DNAJC27: variants seen among roughly 807,000 people sequenced by gnomAD.
DNAJC27 encodes DnaJ heat shock protein family (Hsp40) member C27.
DNAJC27 carries 25 observed loss-of-function variants against 31.4 expected under a neutral mutation model. The ratio of observed to expected loss-of-function variants is 0.80; its 90% CI spans 0.58 to 1.11. The LOEUF (loss-of-function observed/expected upper bound fraction) is 1.11, where lower values mean the gene tolerates loss of function less well. DNAJC27 is among the 50% of genes most tolerant of loss of function. The pLI, the probability that DNAJC27 is intolerant of heterozygous loss-of-function variation, is 0.00. For missense variants in DNAJC27, 356 were observed against 347.3 expected, an observed-to-expected ratio of 1.02 and a Z score of -0.20; for synonymous variants, 106 against 112.7, an observed-to-expected ratio of 0.94 and a Z score of 0.37.
intron 5 of DNAJC27, among the ~76,000 whole-genome samples, chr2:24,955,930 C>T (rs1357216069): frequency 6.6e-6 from 1 of 152,222 alleles, no homozygotes; most frequent in East Asian, 1.9e-4. Flanking sequence ...GTGTAAAATT[C>T]TCCAGAATGG....
Position 24,945,326 on chromosome 2 carries a change from T to G in DNAJC27, c.*2290A>C, listed in dbSNP as rs1665620656. ...GAAACTGAGTCTCAAGACCTAAGAA[T>G]CAAGCTCAGGCTAAATTTCACCAAC... On this transcript the variant is annotated 3_prime_UTR_variant, in exon 7 of 7. Transcript: ENST00000264711. The G allele has an allele frequency of 6.6e-6, 1 of 152,180 alleles. No individual in the cohort carries two copies. Among genetic ancestry groups the G allele is most frequent in the African/African-American group, 2.4e-5 (1 of 41,428 alleles). 9.4% of individuals were successfully genotyped at this position (152,180 alleles called of 1,614,324 possible). A position where few individuals can be genotyped will look rare whatever the true frequency, so the allele number is the denominator to read the frequency against.
chr2:24,965,498 T>C (rs1251667693), intron 2 of DNAJC27, among the ~76,000 whole-genome samples: 2 of 152,082 alleles, frequency 1.3e-5, no homozygotes, highest in African/African-American at 4.8e-5. Context: ...TCAGGTGATC[T>C]GCCTGCCTTG....
At chr2:24,967,516 C>G (rs1394822026) in intron 1 of DNAJC27, among the ~76,000 whole-genome samples, 1 of 152,122 alleles carries the variant, frequency 6.6e-6, no homozygotes, top group African/African-American at 2.4e-5. Context: ...GCCTGGCCAA[C>G]ATGGCGAAAC....
intron 4 of DNAJC27, 27 bp from the exon 5 acceptor site, chr2:24,957,192 GAGA>G (rs780461499): frequency 4.5e-6 from 7 of 1,566,304 alleles, no homozygotes; most frequent in South Asian, 2.4e-5. Context: ...GGGGGACAGA[GAGA>G]AGATTACAAT....
chr2:24,965,900 T>A (rs977214795), intron 2 of DNAJC27, among the ~76,000 whole-genome samples: 4 of 152,180 alleles, frequency 2.6e-5, no homozygotes, highest in African/African-American at 4.8e-5. Context: ...TAAATATTTA[T>A]TGAGTACCTA....
rs184365801 is a variant in DNAJC27, at chr2:24,967,165, C to A, written c.170+46G>T. ...CAAATATGGATCATTTTGGAAAGTT[C>A]TGAACTTCTATGTAACTTACAAACC... On this transcript the variant is annotated intron_variant, in intron 2 of 6. Coordinates refer to ENST00000264711, the MANE Select transcript of DNAJC27 (RefSeq NM_016544.3). 1,111 of 1,479,148 alleles carry A rather than the reference C, an allele frequency of 7.5e-4. 2 individuals carry two copies. In the Middle Eastern group the frequency reaches 8.3e-3, roughly 11 times the overall value. The allele number at this position is 1,479,148 out of a possible 1,614,324, so 91.6% of individuals were successfully genotyped here. A position where few individuals can be genotyped will look rare whatever the true frequency, so the allele number is the denominator to read the frequency against.
chr2:24,946,158 T>A lies in DNAJC27; in HGVS notation c.*1458A>T, dbSNP rs1382513030. 1.3e-5 allele frequency: 2 copies of A among 152,204 alleles called. No individual in the cohort carries two copies. The highest frequency in any genetic ancestry group is 2.4e-5 in the African/African-American group (1 of 41,444). 9.4% of individuals were successfully genotyped at this position (152,204 alleles called of 1,614,324 possible). A position where few individuals can be genotyped will look rare whatever the true frequency, so the allele number is the denominator to read the frequency against. ...AGTCCTAATACATGAACTTCATCCA[T>A]CCCTTGTATATCAAGGAGGAGACTG... On this transcript the variant is annotated 3_prime_UTR_variant, in exon 7 of 7. Transcript: ENST00000264711.
At chr2:24,971,996 T>C, upstream of DNAJC27, 1 of 923,256 alleles carries the variant, frequency 1.1e-6, no homozygotes, top group South Asian at 2.0e-5. Flanking sequence ...GCGGAGCCGC[T>C]GCTCTCGTCA....
At chr2:24,961,549 G>A (rs760972773) in intron 3 of DNAJC27, among the ~76,000 whole-genome samples, 5 of 151,846 alleles carry the variant, frequency 3.3e-5, no homozygotes, top group African/African-American at 4.8e-5. Flanking sequence ...GAAAGCATTC[G>A]CCATTCTAGA....
In DNAJC27 at chr2:24,944,965, A is replaced by G. The variant is rs943369385; in HGVS notation, c.*2651T>C. 6.6e-6 allele frequency: 1 copy of G among 152,586 alleles called. No homozygotes were observed. The highest frequency in any genetic ancestry group is 2.4e-5 in the African/African-American group (1 of 41,456). The allele number at this position is 152,586 out of a possible 1,614,324, so 9.5% of individuals were successfully genotyped here. A position where few individuals can be genotyped will look rare whatever the true frequency, so the allele number is the denominator to read the frequency against. On this transcript the variant is annotated 3_prime_UTR_variant, in exon 7 of 7. Coordinates refer to ENST00000264711, the MANE Select transcript of DNAJC27 (RefSeq NM_016544.3). The stretch of plus-strand genomic sequence containing the variant: ...TTGAAAAACAAGATTCTCTATAAAA[A>G]CGTTTTAGCCATTGTAATTATTCTG...
chr2:24,963,046 A>G (rs962511683), intron 3 of DNAJC27: 4 of 209,714 alleles, frequency 1.9e-5, no homozygotes, highest in Non-Finnish European at 3.9e-5. Flanking sequence ...TCACCCCAGT[A>G]CCCTGCTGTG....
chr2:24,950,524 C>T (rs1366909136), intron 6 of DNAJC27, among the ~76,000 whole-genome samples: 1 of 152,148 alleles, frequency 6.6e-6, no homozygotes, highest in Non-Finnish European at 1.5e-5. Context: ...TCTTAAATAA[C>T]TCTTTTGACT....
At chr2:24,963,919 G>A (rs992369326) in intron 2 of DNAJC27, among the ~76,000 whole-genome samples, 13 of 152,130 alleles carry the variant, frequency 8.5e-5, no homozygotes, top group African/African-American at 2.9e-4. Context: ...TATTAATGAC[G>A]TCTGTTTAAT....
intron 2 of DNAJC27, among the ~76,000 whole-genome samples, chr2:24,965,137 C>G (rs1558556464): frequency 6.6e-6 from 1 of 151,266 alleles, no homozygotes; most frequent in Admixed American, 6.6e-5. Flanking sequence ...ACCCGGGAGG[C>G]GGAAGTTGCA....
At chr2:24,964,666 T>A (rs912951382) in intron 2 of DNAJC27, among the ~76,000 whole-genome samples, 11 of 152,302 alleles carry the variant, frequency 7.2e-5, no homozygotes, top group African/African-American at 2.4e-4. Flanking sequence ...TAGGTTTCTG[T>A]CAATTATATC....
At chr2:24,962,181 C>T (rs1419187996) in intron 3 of DNAJC27, among the ~76,000 whole-genome samples, 1 of 151,908 alleles carries the variant, frequency 6.6e-6, no homozygotes, top group South Asian at 2.1e-4. Context: ...AGGAAAATCT[C>T]CTAACACTTG....
At chr2:24,959,170 CTCT>C (rs1367118912) in intron 3 of DNAJC27, among the ~76,000 whole-genome samples, 1 of 152,182 alleles carries the variant, frequency 6.6e-6, no homozygotes, top group African/African-American at 2.4e-5. Context: ...GACGGGCTCT[CTCT>C]TCTTTTCTAA....
chr2:24,958,037 C>A (rs183505121), intron 3 of DNAJC27, 63 bp from the exon 4 acceptor site: 2 of 1,478,938 alleles, frequency 1.4e-6, no homozygotes, highest in Admixed American at 1.9e-5. Context: ...ATGTATCTCA[C>A]AGTCATTAAC....
chr2:24,955,988 C>T (rs886946244), intron 5 of DNAJC27, among the ~76,000 whole-genome samples: 1 of 152,190 alleles, frequency 6.6e-6, no homozygotes, highest in Non-Finnish European at 1.5e-5. Context: ...CACATACAGG[C>T]ACAAAGTCAC....
Sources: allele counts gnomAD v4.1 joint callset (sites outside exome capture counted in the v4.1 genomes callset), GRCh38; gene constraint gnomAD v4.1.1; transcripts MANE v1.5; gene names NCBI Gene and HGNC (gene_info 2026-07-23, HGNC 2026-07-21).